CD6: variants seen among roughly 807,000 people sequenced by gnomAD.
CD6 encodes the protein CD6 molecule.
In CD6, 53 loss-of-function variants were observed where a neutral mutation model predicts 75.3. That is an observed-to-expected ratio of 0.70 (90% CI 0.56 to 0.88). The LOEUF is 0.88. Among genes scored for constraint, CD6 ranks in the 40% least tolerant of loss-of-function variants. The pLI is 0.00. For missense variants in CD6, 770 were observed against 897.1 expected (o/e 0.86, Z 1.81); for synonymous variants, 359 against 381.5 (o/e 0.94, Z 0.69).
At chr11:61,018,178 A>ATT in intron 11 of CD6, 111 bp from the exon 12 acceptor site, 1 of 1,297,226 alleles carries the variant, frequency 7.7e-7, no homozygotes, top group Non-Finnish European at 1.1e-6. Flanking sequence ...TCACTTTGTC[A>ATT]TTTGCCAAGC....
intron 1 of CD6, among the ~76,000 whole-genome samples, chr11:60,985,428 G>A (rs1857770109): frequency 6.6e-6 from 1 of 151,788 alleles, no homozygotes; most frequent in Non-Finnish European, 1.5e-5. Context: ...CAGGTGATCT[G>A]CCCGTCTCAG....
chr11:61,017,422 G>C, intron 9 of CD6, 57 bp from the exon 10 acceptor site: 1 of 1,374,556 alleles, frequency 7.3e-7, no homozygotes, highest in South Asian at 1.2e-5. Context: ...TCTTCTCCAG[G>C]CTCCTAAATG....
intron 1 of CD6, among the ~76,000 whole-genome samples, chr11:60,974,104 G>A (rs886790372): frequency 5.3e-5 from 8 of 152,174 alleles, no homozygotes; most frequent in Non-Finnish European, 1.0e-4. Context: ...CCTCCAAGGA[G>A]AAAAAGAAGG....
At chr11:60,994,752 A>G (rs998857839) in intron 1 of CD6, among the ~76,000 whole-genome samples, 1 of 152,226 alleles carries the variant, frequency 6.6e-6, no homozygotes, top group African/African-American at 2.4e-5. Context: ...GTTCCGTTTC[A>G]TTAACACTTG....
rs1859281381 is a variant in CD6 at position 61,013,935 on chromosome 11, G to A, written c.1308G>A (p.Val436=). The change falls in exon 8 of 13, where the codon GTG becomes GTA. Residue 436 remains valine, a synonymous_variant. Coordinates refer to ENST00000313421, the MANE Select transcript of CD6 (RefSeq NM_006725.5). The part of the protein sequence containing the change: ...IKGKYALPVM[V]NHQHLPTTIP... ...CTCCCTCAGCCCTCCCCGTAATGGT[G>A]AACCACCAGCACCTACCCACCACCA... is the stretch of plus-strand genomic sequence containing the variant. 6.2e-7 allele frequency: 1 copy of A among 1,612,146 alleles called. No individual in the cohort carries two copies. The highest frequency in any genetic ancestry group is 1.7e-5 in the Admixed American group (1 of 59,582).
chr11:61,018,181 T>G (rs1370177785), intron 11 of CD6, 108 bp from the exon 12 acceptor site: 17 of 1,298,426 alleles, frequency 1.3e-5, no homozygotes, highest in Non-Finnish European at 1.6e-5. Context: ...CTTTGTCATT[T>G]GCCAAGCTAG....
Position 60,971,839 on chromosome 11 carries a change from G to C in CD6, c.-27G>C, listed in dbSNP as rs574591390. On this transcript the variant is annotated 5_prime_UTR_variant, in exon 1 of 13. Transcript: ENST00000313421. ...GATGGTGCTTCCCACAGGCAGCCAC[G>C]CGTAGCAGCCAGAGACAGCTCCAGA... is the stretch of plus-strand genomic sequence containing the variant. 1 of 1,612,250 alleles carries C rather than the reference G, an allele frequency of 6.2e-7. No individual in the cohort carries two copies. Among genetic ancestry groups the C allele is most frequent in the African/African-American group, 1.3e-5 (1 of 74,996 alleles).
chr11:60,999,266 G>T (rs540230825), intron 1 of CD6, among the ~76,000 whole-genome samples: 1 of 151,512 alleles, frequency 6.6e-6, no homozygotes, highest in Non-Finnish European at 1.5e-5. Context: ...TATTCTTTTA[G>T]CATCTCTCCT....
At position 60,997,995 on chromosome 11, in the gene CD6, G is replaced by A. The variant is rs530961923; in HGVS notation, c.50-8579G>A. Among the ~76,000 whole-genome samples, 6 of 152,302 alleles carry A rather than the reference G, an allele frequency of 3.9e-5. No individual in the cohort carries two copies. In the East Asian group the frequency reaches 1.2e-3, roughly 29 times the overall value. On this transcript the variant is annotated intron_variant, in intron 1 of 12. Transcript: ENST00000313421. The stretch of plus-strand genomic sequence containing the variant: ...TATGCTCCTCCCCTGCGTTTATACA[G>A]ATGAGTGCTTTGTGTACCATGGGCC...
Position 61,018,361 on chromosome 11 carries a change from A to G in CD6, c.1910A>G (p.Gln637Arg). The G allele has an allele frequency of 1.2e-6, 2 of 1,605,190 alleles. No individual in the cohort carries two copies. The highest frequency in any genetic ancestry group is 1.1e-5 in the South Asian group (1 of 89,090). The stretch of plus-strand genomic sequence containing the variant: ...TACCAGAACTTCCAGCCACCACCCC[A>G]GCCCCCTTCGGAGGAGCAGTTTGGC... ...EWYQNFQPPP[Q>R]PPSEEQFGCP... The change falls in exon 12 of 13, where the codon CAG becomes CGG. Residue 637 changes from glutamine to arginine, a missense_variant. Physicochemically the swap from Gln to Arg is conservative, Grantham distance 43 (BLOSUM62 1). Coordinates refer to ENST00000313421, the MANE Select transcript of CD6 (RefSeq NM_006725.5).
intron 9 of CD6, 30 bp from the exon 10 acceptor site, chr11:61,017,448 CA>C: frequency 6.6e-7 from 1 of 1,521,042 alleles, no homozygotes; most frequent in South Asian, 1.2e-5. Flanking sequence ...GTTGAGCCTT[CA>C]CCCCTCCCCA....
intron 1 of CD6, among the ~76,000 whole-genome samples, chr11:61,000,808 T>C (rs1381787288): frequency 6.6e-6 from 1 of 152,220 alleles, no homozygotes; most frequent in African/African-American, 2.4e-5. Context: ...ATTCTTCCTG[T>C]GCTTACAGTC....
chr11:60,988,692 A>C (rs1025382151), intron 1 of CD6, among the ~76,000 whole-genome samples: 3 of 152,096 alleles, frequency 2.0e-5, no homozygotes, highest in African/African-American at 7.2e-5. Context: ...TGGATGTCTG[A>C]TCTCAAGGGG....
chr11:60,980,561 G>T (rs1018163389), intron 1 of CD6, among the ~76,000 whole-genome samples: 5 of 152,196 alleles, frequency 3.3e-5, no homozygotes, highest in African/African-American at 1.2e-4. Context: ...GGGTGCAGTG[G>T]CTCACGCCTG....
intron 1 of CD6, chr11:60,989,517 C>T (rs1857973997): frequency 6.6e-6 from 1 of 152,506 alleles, no homozygotes. Context: ...CTGCACCTAC[C>T]TCAGAGAGAC....
intron 1 of CD6, among the ~76,000 whole-genome samples, chr11:60,990,405 G>A (rs537417486): frequency 6.6e-6 from 1 of 152,206 alleles, no homozygotes; most frequent in Admixed American, 6.5e-5. Context: ...TTGTATTTCA[G>A]TAGAGATGGG....
intron 1 of CD6, 30 bp downstream of exon 1, chr11:60,971,944 T>G (rs1233129702): frequency 1.2e-6 from 2 of 1,607,712 alleles, no homozygotes; most frequent in Admixed American, 3.3e-5. Flanking sequence ...CTCCTGCCAC[T>G]GGTGCTGGAG....
At position 61,015,719 on chromosome 11, in the gene CD6, T is replaced by C. The variant is rs1284266226; in HGVS notation, c.1394T>C (p.Met465Thr). 6.2e-7 allele frequency: 1 copy of C among 1,614,216 alleles called. No individual in the cohort carries two copies. Among genetic ancestry groups the C allele is most frequent in the Admixed American group, 1.7e-5 (1 of 60,034 alleles). The change falls in exon 9 of 13, where the codon ATG (methionine) becomes ACG (threonine). Residue 465 changes from methionine to threonine, a missense_variant. Coordinates refer to ENST00000313421, the MANE Select transcript of CD6 (RefSeq NM_006725.5). ...VPITIPKEVFMLPIQVQAPPP... is the reference protein window; with the variant it reads ...VPITIPKEVFTLPIQVQAPPP... ...GACTCTGTTCTCTCCCCAGTTTTCA[T>C]GCTGCCCATCCAGGTCCAGGCCCCG...
At chr11:60,993,194 C>T (rs938994055) in intron 1 of CD6, among the ~76,000 whole-genome samples, 3 of 152,134 alleles carry the variant, frequency 2.0e-5, no homozygotes, top group African/African-American at 7.2e-5. Flanking sequence ...ACATCTCCTC[C>T]CTAGGAACAC....
Sources: gnomAD v4.1 joint callset for allele counts (sites outside exome capture counted in the v4.1 genomes callset) on GRCh38, gnomAD v4.1.1 for gene constraint, MANE v1.5 for transcripts, NCBI Gene and HGNC (gene_info 2026-07-23, HGNC 2026-07-21) for gene names.